The following DZIP1 variants were observed in gnomAD, a reference collection of about 807,000 sequenced individuals.
DZIP1 encodes DAZ interacting zinc finger protein 1.
DZIP1 carries 97 observed loss-of-function variants against 107.6 expected under a neutral mutation model. The ratio of observed to expected loss-of-function variants is 0.90; its 90% CI spans 0.77 to 1.07. DZIP1 has a LOEUF of 1.07. Ranked by LOEUF, DZIP1 falls within the 50% of genes least tolerant of loss-of-function variation. The pLI is 0.00. For missense variants in DZIP1, 1,035 were observed against 1,063.6 expected (o/e 0.97, Z 0.37); for synonymous variants, 390 against 386.4 (o/e 1.01, Z -0.11).
At chr13:95,612,963 T>C (rs1440439914) in intron 10 of DZIP1, among the ~76,000 whole-genome samples, 4 of 151,382 alleles carry the variant, frequency 2.6e-5, no homozygotes, top group East Asian at 3.9e-4. Context: ...TGTTTACTGA[T>C]AGATGTTTAC....
chr13:95,579,250 A>G lies in DZIP1; in HGVS notation c.*2984T>C, dbSNP rs1333247351. 1.3e-5 allele frequency: 2 copies of G among 152,196 alleles called. No individual in the cohort carries two copies. Among genetic ancestry groups the G allele is most frequent in the African/African-American group, 4.8e-5 (2 of 41,436 alleles). The allele number at this position is 152,196 out of a possible 1,614,324, so 9.4% of individuals were successfully genotyped here. On this transcript the variant is annotated 3_prime_UTR_variant, in exon 23 of 23. Coordinates refer to ENST00000376829, the MANE Select transcript of DZIP1 (RefSeq NM_198968.4). ...CCAGAACCTGTTTACGGCTAACTGG[A>G]TAACTGAGAGACTTGTCATTTCTAA...
rs11436964 is a variant in DZIP1 at position 95,639,681 on chromosome 13, G to GAA, written c.597+1612_597+1613dup. Among the ~76,000 whole-genome samples the GAA allele has an allele frequency of 4.7e-5, 7 of 150,192 alleles. No homozygotes were observed. The East Asian group carries it at 5.9e-4, about 13-fold the overall frequency. The stretch of plus-strand genomic sequence containing the variant: ...CATTTCTATAGTAACCCCAAAAAAG[G>GAA]AAAAAAAAGTTTATAAACATACAAT... On this transcript the variant is annotated intron_variant, in intron 5 of 22. Transcript: ENST00000376829.
Position 95,633,254 on chromosome 13 carries a change from G to A in DZIP1, c.665C>T (p.Thr222Ile). The A allele has an allele frequency of 1.2e-6, 2 of 1,614,188 alleles. No homozygotes were observed. The highest frequency in any genetic ancestry group is 2.2e-5 in the South Asian group (2 of 91,078). ...FLQSHIQRRHTEENSHFEYQK... is the reference protein window; with the variant it reads ...FLQSHIQRRHIEENSHFEYQK... ...CTCACCAAAATGAGAATTTTCTTCA[G>A]TGTGGCGGCGTTGAATGTGACTTTG... The change falls in exon 6 of 23, where the codon ACT (threonine) becomes ATT (isoleucine). Residue 222 changes from threonine (T) to isoleucine (I), a missense_variant. Transcript: ENST00000376829.
chr13:95,609,069 G>A (rs1411282441), intron 13 of DZIP1, among the ~76,000 whole-genome samples: 2 of 152,216 alleles, frequency 1.3e-5, no homozygotes, highest in African/African-American at 2.4e-5. Flanking sequence ...GGACAGACAG[G>A]CCACCTGTCA....
intron 5 of DZIP1, among the ~76,000 whole-genome samples, chr13:95,637,451 A>T (rs1877936974): frequency 6.6e-6 from 1 of 152,164 alleles, no homozygotes. Flanking sequence ...CTAATCTGAT[A>T]GGGTAAGTGT....
chr13:95,633,393 A>G, intron 5 of DZIP1, 72 bp from the exon 6 acceptor site: 1 of 1,358,060 alleles, frequency 7.4e-7, no homozygotes, highest in Non-Finnish European at 1.0e-6. Context: ...ATTAAAATTC[A>G]GGTACCTGGC....
At chr13:95,599,553 T>C (rs1290589405) in intron 14 of DZIP1, 129 bp from the exon 15 acceptor site, 3 of 792,606 alleles carry the variant, frequency 3.8e-6, no homozygotes, top group East Asian at 5.3e-5. Flanking sequence ...AAGAATTTAC[T>C]GAGGAAAAAA....
chr13:95,631,038 A>G (rs991604528), intron 6 of DZIP1, among the ~76,000 whole-genome samples: 1 of 152,206 alleles, frequency 6.6e-6, no homozygotes, highest in Non-Finnish European at 1.5e-5. Flanking sequence ...AAGCTTAGCT[A>G]TTTCCTAAGT....
Position 95,594,080 on chromosome 13 carries a change from T to G in DZIP1, c.1544A>C (p.Glu515Ala). ...EELSEEEKGR[E>A]NEQKLNNNKM... ...GTTGTTATTTAATTTCTGTTCATTT[T>G]CCCTTCCTGAAATAAGGTTTTAAAA... Residue 515 changes from glutamate (E) to alanine (A), a missense_variant, in exon 16 of 23, where the codon GAA becomes GCA. Physicochemically the swap from Glu to Ala is moderately radical, Grantham distance 107. Transcript: ENST00000376829. 2 of 1,596,692 alleles carry G rather than the reference T, an allele frequency of 1.3e-6. No homozygotes were observed. The highest frequency in any genetic ancestry group is 1.7e-6 in the Non-Finnish European group (2 of 1,173,274).
At chr13:95,634,563 G>A (rs780380044) in intron 5 of DZIP1, among the ~76,000 whole-genome samples, 18 of 152,096 alleles carry the variant, frequency 1.2e-4, no homozygotes, top group Non-Finnish European at 2.1e-4. Flanking sequence ...TCAATTCCAC[G>A]TATACCTCTG....
intron 14 of DZIP1, among the ~76,000 whole-genome samples, chr13:95,600,542 T>C (rs1206044305): frequency 2.6e-5 from 4 of 151,416 alleles, no homozygotes; most frequent in Non-Finnish European, 4.4e-5. Flanking sequence ...CTATTTCAGA[T>C]AGACAAATGA....
At position 95,582,018 on chromosome 13, in the gene DZIP1, CTT is replaced by C. The variant is rs1378768913; in HGVS notation, c.*214_*215del. ...GTTATTTTTAAGCAGCAGCGGAAGT[CTT>C]AAACACCTTTACATGCTTCGAAATA... is the stretch of plus-strand genomic sequence containing the variant. On this transcript the variant is annotated 3_prime_UTR_variant, in exon 23 of 23. Transcript: ENST00000376829. The C allele has an allele frequency of 2.3e-6, 1 of 442,188 alleles. No individual in the cohort carries two copies. Among genetic ancestry groups the C allele is most frequent in the Non-Finnish European group, 4.0e-6 (1 of 250,416 alleles). 27.4% of individuals were successfully genotyped at this position (442,188 alleles called of 1,614,324 possible). A position where few individuals can be genotyped will look rare whatever the true frequency, so the allele number is the denominator to read the frequency against.
chr13:95,624,178 AAAG>A (rs937338941), intron 8 of DZIP1, among the ~76,000 whole-genome samples: 84 of 152,310 alleles, frequency 5.5e-4, no homozygotes, highest in African/African-American at 1.7e-3. Flanking sequence ...CGTTTTCCCC[AAAG>A]AAGACTCAGG....
intron 15 of DZIP1, among the ~76,000 whole-genome samples, chr13:95,594,559 G>A (rs1009863793): frequency 1.4e-4 from 22 of 151,938 alleles, no homozygotes; most frequent in East Asian, 5.8e-4. Flanking sequence ...CAGCACTTTC[G>A]GAGGTTAAGG....
intron 7 of DZIP1, among the ~76,000 whole-genome samples, chr13:95,626,177 C>G (rs1314236339): frequency 2.6e-5 from 4 of 151,640 alleles, no homozygotes; most frequent in African/African-American, 9.7e-5. Context: ...AATAAATAAC[C>G]TAGCTAGAAA....
In DZIP1 at chr13:95,641,926, C is replaced by T; in HGVS notation, c.36+68G>A. ...GCGGGCAGGCTGGGGAGCTGGGGGT[C>T]CGGGGAAGCCCCGGTTCTCCCCAGC... is the stretch of plus-strand genomic sequence containing the variant. On this transcript the variant is annotated intron_variant, in intron 4 of 22. Coordinates refer to ENST00000376829, the MANE Select transcript of DZIP1 (RefSeq NM_198968.4). This position sits in a 1 kb window ranked among gnomAD's most constrained non-coding sequence, Gnocchi z 4.3. 6.7e-7 allele frequency: 1 copy of T among 1,485,512 alleles called. No individual in the cohort carries two copies. The highest frequency in any genetic ancestry group is 8.9e-7 in the Non-Finnish European group (1 of 1,125,792). The allele number at this position is 1,485,512 out of a possible 1,614,324, so 92.0% of individuals were successfully genotyped here. A position where few individuals can be genotyped will look rare whatever the true frequency, so the allele number is the denominator to read the frequency against.
intron 15 of DZIP1, among the ~76,000 whole-genome samples, chr13:95,595,296 A>G (rs1451905422): frequency 6.6e-6 from 1 of 152,256 alleles, no homozygotes; most frequent in South Asian, 2.1e-4. Context: ...TTCCCACATT[A>G]AAAAATATTT....
intron 8 of DZIP1, among the ~76,000 whole-genome samples, 185 bp from the exon 9 acceptor site, chr13:95,622,665 G>A (rs1876034669): frequency 6.6e-6 from 1 of 151,942 alleles, no homozygotes; most frequent in South Asian, 2.1e-4. Flanking sequence ...TCTACTGCTT[G>A]CTGGTCTTCC....
At chr13:95,594,699 A>C (rs1365262971) in intron 15 of DZIP1, among the ~76,000 whole-genome samples, 1 of 152,166 alleles carries the variant, frequency 6.6e-6, no homozygotes, top group Non-Finnish European at 1.5e-5. Context: ...AGTACATATA[A>C]AATTTCAAGA....
Sources: allele counts gnomAD v4.1 joint callset (sites outside exome capture counted in the v4.1 genomes callset), GRCh38; gene constraint gnomAD v4.1.1; non-coding constraint Gnocchi (gnomAD v3.1); transcripts MANE v1.5; gene names NCBI Gene and HGNC (gene_info 2026-07-23, HGNC 2026-07-21).